ANAPC10: variants seen among roughly 807,000 people sequenced by gnomAD.
ANAPC10 encodes the protein anaphase promoting complex subunit 10, also known as anaphase-promoting complex subunit 10.
A neutral mutation model predicts 22.0 loss-of-function variants in ANAPC10; 12 were observed. The observed-to-expected ratio is 0.55, with a 90% CI of 0.35 to 0.88. ANAPC10 has a LOEUF of 0.88. Ranked by LOEUF, ANAPC10 falls within the 40% of genes least tolerant of loss-of-function variation. ANAPC10 has a pLI of 0.01. For missense variants in ANAPC10, 188 were observed against 220.9 expected, an observed-to-expected ratio of 0.85 and a Z score of 0.94; for synonymous variants, 65 against 69.5, an observed-to-expected ratio of 0.94 and a Z score of 0.32.
intron 4 of ANAPC10, chr4:145,053,740 TGAA>T: frequency 1.5e-6 from 1 of 647,344 alleles, no homozygotes; most frequent in South Asian, 1.8e-5. Context: ...TCCTGAGACT[TGAA>T]GATTCATTGA....
At chr4:145,096,946 C>T (rs1385279179) in intron 1 of ANAPC10, among the ~76,000 whole-genome samples, 2 of 152,108 alleles carry the variant, frequency 1.3e-5, no homozygotes, top group Non-Finnish European at 1.5e-5. Context: ...CCCGGTGGCT[C>T]ACACCTGTAA....
At chr4:145,004,309 A>G (rs1401371841) in intron 4 of ANAPC10, among the ~76,000 whole-genome samples, 1 of 152,050 alleles carries the variant, frequency 6.6e-6, no homozygotes, top group Non-Finnish European at 1.5e-5. Context: ...TTGAGTTCCG[A>G]TCTTCCTATT....
intron 4 of ANAPC10, among the ~76,000 whole-genome samples, chr4:145,009,793 A>C (rs1377804895): frequency 1.3e-5 from 2 of 152,214 alleles, no homozygotes; most frequent in East Asian, 3.8e-4. Context: ...CACCAAAAGC[A>C]ATGGCAACAA....
At chr4:144,998,188 C>A (rs915335153) in intron 4 of ANAPC10, among the ~76,000 whole-genome samples, 1 of 152,148 alleles carries the variant, frequency 6.6e-6, no homozygotes, top group Admixed American at 6.6e-5. Context: ...AGAAAGTTAA[C>A]AAGCATATCC....
At chr4:145,004,866 G>C (rs1372928002) in intron 4 of ANAPC10, among the ~76,000 whole-genome samples, 2 of 151,992 alleles carry the variant, frequency 1.3e-5, no homozygotes, top group African/African-American at 4.8e-5. Flanking sequence ...TGGCTTCACA[G>C]AATGAATTAG....
chr4:145,007,219 T>C (rs1466244057), intron 4 of ANAPC10, among the ~76,000 whole-genome samples: 3 of 152,086 alleles, frequency 2.0e-5, no homozygotes, highest in Non-Finnish European at 2.9e-5. Flanking sequence ...CTGTCAATAT[T>C]AGACACATCT....
Position 145,052,671 on chromosome 4 carries a change from G to A in ANAPC10, c.327+11901C>T, listed in dbSNP as rs544521274. ...TCCCAGCATTTTGCGAGGCTCAGGC[G>A]GGCACAGATCACATGGTCCGGAGAT... On this transcript the variant is annotated intron_variant, in intron 4 of 4. Transcript: ENST00000507656. Among the ~76,000 whole-genome samples, 9 of 152,092 alleles carry A rather than the reference G, an allele frequency of 5.9e-5. No homozygotes were observed. The East Asian group carries it at 1.5e-3, about 26-fold the overall frequency.
rs397742192 is a variant in ANAPC10 at position 145,066,787 on chromosome 4, A to AC, written c.207-2096dup. On this transcript the variant is annotated intron_variant, in intron 3 of 4. Coordinates refer to ENST00000507656, the MANE Select transcript of ANAPC10 (RefSeq NM_001256706.2). ...TTCATTTTTCTGATTTAAAAAAAAA[A>AC]CATAACACTTAGGTTAATAACTGGC... is the stretch of plus-strand genomic sequence containing the variant. Among the ~76,000 whole-genome samples the AC allele has an allele frequency of 2.6e-5, 4 of 151,642 alleles. No homozygotes were observed. In the East Asian group the frequency reaches 5.8e-4, roughly 22 times the overall value.
At chr4:145,011,607 G>A (rs1734327128) in intron 4 of ANAPC10, among the ~76,000 whole-genome samples, 1 of 152,068 alleles carries the variant, frequency 6.6e-6, no homozygotes, top group African/African-American at 2.4e-5. Context: ...GCTGGTAAAG[G>A]GCGAGAGGCT....
chr4:145,081,662 G>C lies in ANAPC10; in HGVS notation c.204C>G (p.Phe68Leu). Residue 68 changes from phenylalanine to leucine, a missense_variant and splice_region_variant, in exon 3 of 5, where the codon TTC becomes TTG. Transcript: ENST00000507656. ...GSQPHLVNIQ[F>L]RRKTTVKTLC... ...AAATTTGAAAATGTATTAATTACCT[G>C]AATTGGATGTTCACTAAATGAGGCT... The C allele has an allele frequency of 6.2e-7, 1 of 1,604,326 alleles. No individual in the cohort carries two copies. The highest frequency in any genetic ancestry group is 8.5e-7 in the Non-Finnish European group (1 of 1,173,488).
At chr4:145,071,770 A>C (rs1744523826) in intron 3 of ANAPC10, among the ~76,000 whole-genome samples, 4 of 152,186 alleles carry the variant, frequency 2.6e-5, no homozygotes, top group Admixed American at 2.0e-4. Context: ...CCTCAACAAG[A>C]GAACTGCAGA....
intron 4 of ANAPC10, among the ~76,000 whole-genome samples, chr4:145,025,672 T>C (rs1736558360): frequency 6.6e-6 from 1 of 152,106 alleles, no homozygotes; most frequent in Non-Finnish European, 1.5e-5. Flanking sequence ...GTGAAAAAGT[T>C]TGAAGTTTGA....
chr4:145,042,002 G>A (rs1352276258), intron 4 of ANAPC10, among the ~76,000 whole-genome samples: 2 of 152,038 alleles, frequency 1.3e-5, no homozygotes, highest in South Asian at 2.1e-4. Flanking sequence ...AAAAAATGTT[G>A]AATAATTCCA....
intron 4 of ANAPC10, among the ~76,000 whole-genome samples, chr4:145,009,944 A>T (rs901540428): frequency 6.6e-6 from 1 of 152,220 alleles, no homozygotes; most frequent in African/African-American, 2.4e-5. Flanking sequence ...GCTAATATCC[A>T]GAATCTACAA....
chr4:145,015,658 C>A (rs1349947839), intron 4 of ANAPC10, among the ~76,000 whole-genome samples: 1 of 152,012 alleles, frequency 6.6e-6, no homozygotes, highest in African/African-American at 2.4e-5. Context: ...AAAGTTAAGA[C>A]AAAGGAAAGA....
intron 3 of ANAPC10, among the ~76,000 whole-genome samples, chr4:145,067,432 T>A (rs1188446976): frequency 6.6e-6 from 1 of 152,064 alleles, no homozygotes; most frequent in African/African-American, 2.4e-5. Flanking sequence ...ACACTCTCTA[T>A]CCCCTCACTC....
intron 3 of ANAPC10, among the ~76,000 whole-genome samples, chr4:145,066,297 T>C (rs1261487821): frequency 1.3e-5 from 2 of 152,092 alleles, no homozygotes; most frequent in Non-Finnish European, 2.9e-5. Context: ...TATTAGGTTT[T>C]TAAAAGAGGC....
intron 3 of ANAPC10, among the ~76,000 whole-genome samples, chr4:145,069,606 A>T (rs962173007): frequency 6.6e-6 from 1 of 152,210 alleles, no homozygotes; most frequent in Admixed American, 6.5e-5. Context: ...GTCAAGCCTT[A>T]GTAATGAGGC....
chr4:145,051,562 G>C (rs751599417), intron 4 of ANAPC10, among the ~76,000 whole-genome samples: 25 of 152,084 alleles, frequency 1.6e-4, no homozygotes, highest in Admixed American at 1.3e-4. Context: ...GCAATAAGGT[G>C]AAAAGCATAA....
Sources: allele counts gnomAD v4.1 joint callset (sites outside exome capture counted in the v4.1 genomes callset), GRCh38; gene constraint gnomAD v4.1.1; transcripts MANE v1.5; gene names NCBI Gene and HGNC (gene_info 2026-07-23, HGNC 2026-07-21).